Variants in ARB2A observed in about 807,000 individuals in gnomAD.
ARB2A encodes cotranscriptional regulator ARB2A.
chr5:93,676,208 T>C, the ARB2A span, among the ~76,000 whole-genome samples: 1 of 152,070 alleles, frequency 6.6e-6, no homozygotes, highest in Non-Finnish European at 1.5e-5. Context: ...TTCTTTCCAT[T>C]ATGACCAAGT....
the ARB2A span, among the ~76,000 whole-genome samples, chr5:94,029,329 T>C: frequency 2.6e-5 from 4 of 152,186 alleles, no homozygotes; most frequent in African/African-American, 9.7e-5. Context: ...CATTTTCATG[T>C]GTAACAGTCT....
the ARB2A span, among the ~76,000 whole-genome samples, chr5:93,669,103 G>A: frequency 1.3e-5 from 2 of 152,156 alleles, no homozygotes; most frequent in African/African-American, 2.4e-5. Flanking sequence ...TATGTTTGAC[G>A]TGAAATACCA....
chr5:93,922,155 C>A, the ARB2A span, among the ~76,000 whole-genome samples: 1 of 152,064 alleles, frequency 6.6e-6, no homozygotes, highest in Admixed American at 6.5e-5. Context: ...ACAGAAAAAG[C>A]CATGAAAGCC....
At chr5:93,937,120 G>A in the ARB2A span, among the ~76,000 whole-genome samples, 93 of 151,676 alleles carry the variant, frequency 6.1e-4, no homozygotes, top group African/African-American at 2.1e-3. Flanking sequence ...TGATCCGCCC[G>A]CCCCTGCCTC....
the ARB2A span, among the ~76,000 whole-genome samples, chr5:94,100,378 G>C: frequency 2.0e-5 from 3 of 152,174 alleles, no homozygotes; most frequent in Admixed American, 2.0e-4. Flanking sequence ...GCAATCTATA[G>C]ATTCAATGCT....
At chr5:93,736,171 C>G in the ARB2A span, 1 of 152,094 alleles carries the variant, frequency 6.6e-6, no homozygotes, top group African/African-American at 2.4e-5. Context: ...TTGTGGCCAT[C>G]ATATTTCCAA....
At chr5:93,685,344 A>T in the ARB2A span, among the ~76,000 whole-genome samples, 1 of 152,210 alleles carries the variant, frequency 6.6e-6, no homozygotes, top group African/African-American at 2.4e-5. Flanking sequence ...AACATAAGTA[A>T]TGAATAATTA....
the ARB2A span, among the ~76,000 whole-genome samples, chr5:93,660,012 T>C: frequency 3.3e-5 from 5 of 151,982 alleles, no homozygotes; most frequent in African/African-American, 1.2e-4. Flanking sequence ...TACAATCTAA[T>C]TGGGAGATAG....
the ARB2A span, among the ~76,000 whole-genome samples, chr5:94,098,180 A>G: frequency 6.6e-6 from 1 of 152,190 alleles, no homozygotes; most frequent in African/African-American, 2.4e-5. Context: ...TATAAAAGCA[A>G]AAAGGCCCAT....
At chr5:93,704,725 A>G in the ARB2A span, among the ~76,000 whole-genome samples, 1 of 152,182 alleles carries the variant, frequency 6.6e-6, no homozygotes, top group Non-Finnish European at 1.5e-5. Context: ...CACACCATCC[A>G]ATGTGTCAGT....
At chr5:93,844,377 G>A in the ARB2A span, among the ~76,000 whole-genome samples, 1 of 152,040 alleles carries the variant, frequency 6.6e-6, no homozygotes, top group Non-Finnish European at 1.5e-5. Context: ...CCAGGAGGTG[G>A]AGGCTGCAGT....
the ARB2A span, among the ~76,000 whole-genome samples, chr5:93,853,219 A>G: frequency 9.9e-5 from 15 of 152,276 alleles, no homozygotes; most frequent in African/African-American, 3.1e-4. Context: ...CTTTGAAGCA[A>G]TTGTGAATGG....
At chr5:93,672,428 G>C in the ARB2A span, among the ~76,000 whole-genome samples, 1 of 151,914 alleles carries the variant, frequency 6.6e-6, no homozygotes, top group Non-Finnish European at 1.5e-5. Flanking sequence ...TCCTGCCTCA[G>C]CCTCCTGAGT....
chr5:94,045,921 A>C, the ARB2A span, among the ~76,000 whole-genome samples: 1 of 152,216 alleles, frequency 6.6e-6, no homozygotes, highest in Non-Finnish European at 1.5e-5. Flanking sequence ...ATAGGTAGAA[A>C]AACAAAATGG....
the ARB2A span, among the ~76,000 whole-genome samples, chr5:93,773,944 A>T: frequency 9.2e-5 from 14 of 152,148 alleles, no homozygotes; most frequent in South Asian, 2.7e-3. Context: ...ATATTAAAAA[A>T]TTTTTTTTGG....
At chr5:93,879,070 G>A in the ARB2A span, among the ~76,000 whole-genome samples, 136,801 of 152,174 alleles carry the variant, frequency 0.9, 62,046 homozygotes, top group East Asian at 1. Flanking sequence ...ATAAAAGTTA[G>A]TTTAGTTCCA....
the ARB2A span, among the ~76,000 whole-genome samples, chr5:93,949,068 A>AC: frequency 6.6e-6 from 1 of 151,996 alleles, no homozygotes; most frequent in South Asian, 2.1e-4. Flanking sequence ...TTACTAGCTA[A>AC]CCCCTGAAGC....
chr5:93,818,174 A>G, the ARB2A span, among the ~76,000 whole-genome samples: 1 of 151,956 alleles, frequency 6.6e-6, no homozygotes, highest in Non-Finnish European at 1.5e-5. Context: ...TAGCTAATAT[A>G]AAAAAAGACA....
chr5:93,725,571 T>C, the ARB2A span, among the ~76,000 whole-genome samples: 1 of 152,082 alleles, frequency 6.6e-6, no homozygotes, highest in Admixed American at 6.6e-5. Flanking sequence ...ATTTTAGGGA[T>C]TCCTTTGCCT....
Sources: gnomAD v4.1 joint callset for allele counts (sites outside exome capture counted in the v4.1 genomes callset) on GRCh38, gnomAD v4.1.1 for gene constraint, MANE v1.5 for transcripts, NCBI Gene and HGNC (gene_info 2026-07-23, HGNC 2026-07-21) for gene names.